TMEM236: variants seen among roughly 807,000 people sequenced by gnomAD.
TMEM236 encodes family with sequence similarity 23, member A.
Under a neutral mutation model 14.7 loss-of-function variants are expected in TMEM236, and 11 were observed. The ratio of observed to expected loss-of-function variants is 0.75; its 90% CI spans 0.47 to 1.24. The LOEUF (loss-of-function observed/expected upper bound fraction) is 1.24, where lower values mean the gene tolerates loss of function less well. Ranked by LOEUF, TMEM236 falls within the 50% of genes most tolerant of loss-of-function variation. The pLI, the probability that TMEM236 is intolerant of heterozygous loss-of-function variation, is 0.00. For synonymous variants in TMEM236, 182 were observed against 168.6 expected (o/e 1.08, Z -0.62); for missense variants, 464 against 427.3 (o/e 1.09, Z -0.76).
At chr10:17,785,163 A>C (rs1275481016) in intron 3 of TMEM236, among the ~76,000 whole-genome samples, 1 of 152,222 alleles carries the variant, frequency 6.6e-6, no homozygotes, top group Non-Finnish European at 1.5e-5. Context: ...ATTTTTATGG[A>C]AAGTCTAAGC....
At chr10:17,765,639 C>T (rs1837450492) in intron 1 of TMEM236, among the ~76,000 whole-genome samples, 2 of 152,158 alleles carry the variant, frequency 1.3e-5, no homozygotes, top group Non-Finnish European at 2.9e-5. Context: ...AGTCGTGGGT[C>T]CCATGCAAGT....
intron 1 of TMEM236, among the ~76,000 whole-genome samples, chr10:17,752,781 A>G (rs1050878974): frequency 7.4e-4 from 113 of 152,096 alleles, no homozygotes; most frequent in African/African-American, 2.4e-3. Context: ...TGGCCAGGCT[A>G]GTCTTGAACT....
intron 3 of TMEM236, among the ~76,000 whole-genome samples, chr10:17,778,904 G>T (rs1453745389): frequency 2.0e-5 from 3 of 152,088 alleles, no homozygotes; most frequent in African/African-American, 7.2e-5. Context: ...TACTAACTTC[G>T]TATTACCAGT....
chr10:17,783,984 A>C (rs1461816809), intron 3 of TMEM236, among the ~76,000 whole-genome samples: 1 of 151,854 alleles, frequency 6.6e-6, no homozygotes, highest in Non-Finnish European at 1.5e-5. Flanking sequence ...TTCTATAAAT[A>C]GTAAGGCTGT....
chr10:17,792,776 T>TA (rs1435534270), intron 3 of TMEM236, among the ~76,000 whole-genome samples: 2 of 152,230 alleles, frequency 1.3e-5, no homozygotes, highest in East Asian at 3.8e-4. Context: ...TTATATCTTC[T>TA]ATAGATTTTG....
chr10:17,764,960 T>C (rs1247783229), intron 1 of TMEM236, among the ~76,000 whole-genome samples: 1 of 151,612 alleles, frequency 6.6e-6, no homozygotes, highest in East Asian at 1.9e-4. Context: ...TAGCTGGGAC[T>C]ACAGGCGCGC....
intron 3 of TMEM236, among the ~76,000 whole-genome samples, chr10:17,785,632 G>C (rs1333595840): frequency 1.3e-5 from 2 of 151,180 alleles, no homozygotes; most frequent in Non-Finnish European, 2.9e-5. Context: ...TTCTTTTTAA[G>C]AAATAGCTTA....
chr10:17,786,650 G>A (rs868979832), intron 3 of TMEM236, among the ~76,000 whole-genome samples: 2,200 of 152,262 alleles, frequency 0.014, 76 homozygotes, highest in African/African-American at 0.05. Flanking sequence ...TTCTGTTTCT[G>A]GATGTGTGTG....
chr10:17,759,855 C>G (rs900587305), intron 1 of TMEM236, among the ~76,000 whole-genome samples: 3 of 151,838 alleles, frequency 2.0e-5, no homozygotes, highest in African/African-American at 4.8e-5. Context: ...GTGGTGGACG[C>G]CTGTATAGTC....
chr10:17,786,421 C>T lies in TMEM236; in HGVS notation c.473-9500C>T, dbSNP rs1020118409. 1.3e-4 allele frequency among the ~76,000 whole-genome samples: 20 copies of T among 152,316 alleles called. 1 individual carries two copies. Among genetic ancestry groups the T allele is most frequent in the Middle Eastern group, 6.8e-3 (2 of 294 alleles). ...TTGTCCATGCTGGAGGGCAGTGCCA[C>T]GATCACAGTGCACTGCAGCCTCGAC... On this transcript the variant is annotated intron_variant, in intron 3 of 3. Transcript: ENST00000377495.
intron 1 of TMEM236, among the ~76,000 whole-genome samples, chr10:17,770,497 C>T (rs1227631274): frequency 6.6e-6 from 1 of 152,174 alleles, no homozygotes; most frequent in Non-Finnish European, 1.5e-5. Context: ...CGTTCTCCTG[C>T]CTCAGCCTCC....
At chr10:17,757,653 C>G (rs1837302687) in intron 1 of TMEM236, among the ~76,000 whole-genome samples, 1 of 150,742 alleles carries the variant, frequency 6.6e-6, no homozygotes, top group South Asian at 2.1e-4. Flanking sequence ...GAGCCTAGGT[C>G]TGTCTGATTC....
intron 3 of TMEM236, among the ~76,000 whole-genome samples, chr10:17,777,750 T>G (rs1011417085): frequency 6.6e-6 from 1 of 152,144 alleles, no homozygotes; most frequent in Non-Finnish European, 1.5e-5. Flanking sequence ...GTTTTTTTGT[T>G]TTGTTTTGTT....
chr10:17,760,831 C>T (rs940803053), intron 1 of TMEM236, among the ~76,000 whole-genome samples: 1 of 152,162 alleles, frequency 6.6e-6, no homozygotes, highest in Non-Finnish European at 1.5e-5. Context: ...TGCAGGGCAA[C>T]TCCCCTTTAT....
At chr10:17,753,784 G>A (rs1048071459) in intron 1 of TMEM236, among the ~76,000 whole-genome samples, 3 of 152,096 alleles carry the variant, frequency 2.0e-5, no homozygotes, top group Non-Finnish European at 2.9e-5. Context: ...TTGCTGAGTC[G>A]AATGGTATTT....
chr10:17,760,095 C>T (rs1837338111), intron 1 of TMEM236, among the ~76,000 whole-genome samples: 1 of 151,088 alleles, frequency 6.6e-6, no homozygotes, highest in Non-Finnish European at 1.5e-5. Context: ...GACATCTGTG[C>T]ACTGCTGGAC....
intron 3 of TMEM236, among the ~76,000 whole-genome samples, chr10:17,785,706 A>G (rs921582440): frequency 2.6e-5 from 4 of 152,078 alleles, no homozygotes; most frequent in African/African-American, 9.7e-5. Flanking sequence ...CAATGTGCTC[A>G]GGGGTGACTA....
chr10:17,761,772 G>A (rs1268122711), intron 1 of TMEM236, among the ~76,000 whole-genome samples: 2 of 150,958 alleles, frequency 1.3e-5, no homozygotes, highest in Non-Finnish European at 2.9e-5. Context: ...CCCCTTGCTT[G>A]TAAATCAAAT....
At chr10:17,791,034 G>T (rs1175987919) in intron 3 of TMEM236, among the ~76,000 whole-genome samples, 3 of 152,154 alleles carry the variant, frequency 2.0e-5, no homozygotes, top group African/African-American at 7.2e-5. Flanking sequence ...CTCTGCCACA[G>T]ACAGTGTGGT....
Sources: gnomAD v4.1 joint callset for allele counts (sites outside exome capture counted in the v4.1 genomes callset) on GRCh38, gnomAD v4.1.1 for gene constraint, MANE v1.5 for transcripts, NCBI Gene and HGNC (gene_info 2026-07-23, HGNC 2026-07-21) for gene names.